The following LYPD6B variants were observed in gnomAD, a reference collection of about 807,000 sequenced individuals.
LYPD6B encodes LY6/PLAUR domain containing 6B, also known as ly6/PLAUR domain-containing protein 6B.
In LYPD6B, 17 loss-of-function variants were observed where a neutral mutation model predicts 22.8. The ratio of observed to expected loss-of-function variants is 0.75; its 90% CI spans 0.51 to 1.12. LYPD6B has a LOEUF of 1.12. Among genes scored for constraint, LYPD6B ranks in the 50% most tolerant of loss-of-function variants. The pLI is 0.00. For synonymous variants in LYPD6B, 106 were observed against 91.6 expected (o/e 1.16, Z -0.90); for missense variants, 221 against 258.3 (o/e 0.86, Z 0.99).
chr2:149,201,891 G>A (rs1011402659), intron 3 of LYPD6B, among the ~76,000 whole-genome samples: 1 of 152,206 alleles, frequency 6.6e-6, no homozygotes, highest in Non-Finnish European at 1.5e-5. Context: ...TTGAGAGGAT[G>A]CTATGTTCTG....
Position 149,121,123 on chromosome 2 carries a change from A to G in LYPD6B, c.-66-9760A>G, listed in dbSNP as rs72855861. On this transcript the variant is annotated intron_variant, in intron 1 of 6. Coordinates refer to ENST00000409642, the MANE Select transcript of LYPD6B (RefSeq NM_177964.5). The stretch of plus-strand genomic sequence containing the variant: ...TAATGATATTTCAAGGTGGCATCAT[A>G]GTTCATTAAGTTGATATGTCATAAT... Among the ~76,000 whole-genome samples, 402 of 152,304 alleles carry G rather than the reference A, an allele frequency of 2.6e-3. 1 individual carries two copies. Among genetic ancestry groups the G allele is most frequent in the Non-Finnish European group, 3.9e-3 (265 of 68,030 alleles).
At chr2:149,163,656 C>T (rs1690235274) in intron 3 of LYPD6B, among the ~76,000 whole-genome samples, 1 of 152,122 alleles carries the variant, frequency 6.6e-6, no homozygotes, top group Admixed American at 6.6e-5. Context: ...CAGTTCTTCC[C>T]TCAGGTTACA....
rs976203484 is a variant in LYPD6B, at chr2:149,060,903, C to A, written c.-67+22102C>A. On this transcript the variant is annotated intron_variant, in intron 1 of 6. Transcript: ENST00000409642. Reference sequence around the variant, plus strand: ...CCAGAGGGAGCTTCCATGAGGGGCACTCGACACCCACCTTGGGCATGCTTG... The same window carrying A: ...CCAGAGGGAGCTTCCATGAGGGGCAATCGACACCCACCTTGGGCATGCTTG... 1.7e-4 allele frequency among the ~76,000 whole-genome samples: 26 copies of A among 152,178 alleles called. 1 individual carries two copies. The highest frequency in any genetic ancestry group is 1.6e-3 in the Admixed American group (24 of 15,286).
intron 2 of LYPD6B, among the ~76,000 whole-genome samples, chr2:149,153,803 A>T (rs1414497374): frequency 6.6e-6 from 1 of 152,070 alleles, no homozygotes; most frequent in African/African-American, 2.4e-5. Flanking sequence ...AGAAGTCTTT[A>T]CCTGGTCCAA....
rs528204112 is a variant in LYPD6B at position 149,047,019 on chromosome 2, C to T, written c.-67+8218C>T. On this transcript the variant is annotated intron_variant, in intron 1 of 6. Transcript: ENST00000409642. ...TCTTAGTTCATTGGTTATGCTAAAA[C>T]AGACCAGGGGCTAGGTTTGGCTTGT... 2.0e-3 allele frequency among the ~76,000 whole-genome samples: 303 copies of T among 152,294 alleles called. 1 individual carries two copies. The highest frequency in any genetic ancestry group is 7.0e-3 in the African/African-American group (290 of 41,572).
At chr2:149,147,376 C>T (rs1228844170) in intron 2 of LYPD6B, among the ~76,000 whole-genome samples, 1 of 152,164 alleles carries the variant, frequency 6.6e-6, no homozygotes, top group Admixed American at 6.5e-5. Flanking sequence ...GGCTTTTCTG[C>T]CTCTTGAAAA....
intron 3 of LYPD6B, among the ~76,000 whole-genome samples, chr2:149,162,105 A>G (rs1399864663): frequency 2.0e-5 from 3 of 152,160 alleles, no homozygotes. Context: ...TTCCAAAGCA[A>G]GGAAACGTAA....
intron 1 of LYPD6B, among the ~76,000 whole-genome samples, chr2:149,052,722 G>A (rs1275111933): frequency 1.3e-5 from 2 of 152,144 alleles, no homozygotes; most frequent in African/African-American, 4.8e-5. Flanking sequence ...CATGCCAAGT[G>A]GGTGACTATG....
chr2:149,153,778 GAAAA>G (rs200919332), intron 2 of LYPD6B, among the ~76,000 whole-genome samples: 3 of 138,260 alleles, frequency 2.2e-5, no homozygotes, highest in Admixed American at 7.2e-5. Flanking sequence ...TGTCTCAAAA[GAAAA>G]AAAAAAAAGA....
At chr2:149,154,962 A>G (rs1302123506) in intron 2 of LYPD6B, among the ~76,000 whole-genome samples, 1 of 152,232 alleles carries the variant, frequency 6.6e-6, no homozygotes, top group Admixed American at 6.5e-5. Flanking sequence ...TAAGGGAAGT[A>G]AGGAATATTG....
intron 2 of LYPD6B, among the ~76,000 whole-genome samples, chr2:149,143,566 G>C (rs563455435): frequency 1.3e-5 from 2 of 150,794 alleles, no homozygotes; most frequent in Admixed American, 1.3e-4. Flanking sequence ...CAATGACAAG[G>C]GAAATTAGCT....
intron 3 of LYPD6B, among the ~76,000 whole-genome samples, chr2:149,189,333 T>C (rs532931463): frequency 7.2e-6 from 1 of 138,184 alleles, no homozygotes; most frequent in Admixed American, 7.5e-5. Context: ...TTTTTTGATT[T>C]GTCCAAAATT....
At chr2:149,099,538 A>G (rs1302808133) in intron 1 of LYPD6B, among the ~76,000 whole-genome samples, 1 of 151,972 alleles carries the variant, frequency 6.6e-6, no homozygotes, top group South Asian at 2.1e-4. Context: ...TCATGCCTGG[A>G]ACCCAGTGGA....
In LYPD6B at chr2:149,128,128, C is replaced by A. The variant is rs117933855; in HGVS notation, c.-66-2755C>A. 5.0e-4 allele frequency among the ~76,000 whole-genome samples: 76 copies of A among 151,918 alleles called. No homozygotes were observed. In the East Asian group the frequency reaches 0.015, roughly 29 times the overall value. On this transcript the variant is annotated intron_variant, in intron 1 of 6. Coordinates refer to ENST00000409642, the MANE Select transcript of LYPD6B (RefSeq NM_177964.5). ...AAACATAACCTATTGCTTCTAAAATCTTTTTGTTTTTTCTTCTTGGAAATG... is the reference window on the plus strand; with the variant it reads ...AAACATAACCTATTGCTTCTAAAATATTTTTGTTTTTTCTTCTTGGAAATG...
intron 3 of LYPD6B, among the ~76,000 whole-genome samples, chr2:149,190,469 A>G (rs1170926095): frequency 6.6e-6 from 1 of 152,224 alleles, no homozygotes; most frequent in Non-Finnish European, 1.5e-5. Context: ...GGGTAAGTAC[A>G]TCTAAAATTT....
intron 3 of LYPD6B, among the ~76,000 whole-genome samples, chr2:149,169,442 G>A (rs1037603174): frequency 6.6e-6 from 1 of 152,186 alleles, no homozygotes; most frequent in African/African-American, 2.4e-5. Flanking sequence ...CAATTGTCAA[G>A]TCTTTAAACT....
intron 1 of LYPD6B, among the ~76,000 whole-genome samples, chr2:149,104,622 T>C (rs886230474): frequency 2.6e-5 from 4 of 152,246 alleles, no homozygotes; most frequent in Non-Finnish European, 5.9e-5. Flanking sequence ...GCAAATTCTC[T>C]ATCAGATAGA....
intron 1 of LYPD6B, among the ~76,000 whole-genome samples, chr2:149,072,724 A>G (rs535821444): frequency 6.6e-6 from 1 of 151,396 alleles, no homozygotes; most frequent in Non-Finnish European, 1.5e-5. Context: ...TTTAGTAGAG[A>G]TGGGGTTTCA....
At chr2:149,070,596 A>T (rs964846702) in intron 1 of LYPD6B, among the ~76,000 whole-genome samples, 3 of 152,184 alleles carry the variant, frequency 2.0e-5, no homozygotes, top group African/African-American at 7.2e-5. Context: ...GGGAAGGAAG[A>T]AAGGTTGTGA....
Sources: gnomAD v4.1 joint callset for allele counts (sites outside exome capture counted in the v4.1 genomes callset) on GRCh38, gnomAD v4.1.1 for gene constraint, MANE v1.5 for transcripts, NCBI Gene and HGNC (gene_info 2026-07-23, HGNC 2026-07-21) for gene names.